Variants in PRIM1 observed in about 807,000 individuals in gnomAD.
PRIM1 encodes DNA primase subunit 1, also known as DNA primase small subunit.
PRIM1 carries 38 observed loss-of-function variants against 60.2 expected under a neutral mutation model. The ratio of observed to expected loss-of-function variants is 0.63; its 90% CI spans 0.49 to 0.83. The LOEUF (loss-of-function observed/expected upper bound fraction) is 0.83. Ranked by LOEUF, PRIM1 falls within the 40% of genes least tolerant of loss-of-function variation. The pLI is 0.00. For synonymous variants in PRIM1, 158 were observed against 160.2 expected (o/e 0.99, Z 0.10); for missense variants, 388 against 506.2 (o/e 0.77, Z 2.24).
intron 12 of PRIM1, among the ~76,000 whole-genome samples, chr12:56,732,516 C>A (rs1269225168): frequency 6.6e-6 from 1 of 152,154 alleles, no homozygotes; most frequent in Non-Finnish European, 1.5e-5. Flanking sequence ...TAGATAAAAA[C>A]TACAAATCAT....
chr12:56,736,925 C>G (rs888183074), intron 11 of PRIM1, among the ~76,000 whole-genome samples: 8 of 151,984 alleles, frequency 5.3e-5, no homozygotes, highest in Admixed American at 3.9e-4. Context: ...GTAGCTGAGA[C>G]CACAGGTGCC....
At position 56,747,026 on chromosome 12, in the gene PRIM1, GA is replaced by G; in HGVS notation, c.267del (p.Gln90AsnfsTer5). 6.2e-7 allele frequency: 1 copy of G among 1,609,412 alleles called. No homozygotes were observed. Among genetic ancestry groups the G allele is most frequent in the Non-Finnish European group, 8.5e-7 (1 of 1,176,538 alleles). Reference protein sequence around the residue: ...DIGAVYSHRPNQHNTVKLGAF... With the variant: ...DIGAVYSHRPXQHNTVKLGAF... Reference sequence around the variant, plus strand: ...GCTCCCAGCTTCACTGTATTGTGTTGATTGGGCTACAGATACAAAATATTGA... The same window carrying G: ...GCTCCCAGCTTCACTGTATTGTGTTGTTGGGCTACAGATACAAAATATTGA... On this transcript the variant is annotated frameshift_variant, in exon 3 of 13. Transcript: ENST00000338193. LOFTEE classifies it high-confidence loss of function.
chr12:56,738,269 A>C (rs1437202553), intron 11 of PRIM1, among the ~76,000 whole-genome samples, 165 bp downstream of exon 11: 1 of 152,246 alleles, frequency 6.6e-6, no homozygotes. Context: ...GGATTCAATA[A>C]CACCACTTGG....
intron 1 of PRIM1, 163 bp from the exon 2 acceptor site, chr12:56,751,358 C>G (rs1953956108): frequency 6.5e-6 from 3 of 458,216 alleles, no homozygotes; most frequent in Non-Finnish European, 1.1e-5. Context: ...AGGCTCACTG[C>G]AACCTCCGCC....
intron 6 of PRIM1, 38 bp from the exon 7 acceptor site, chr12:56,743,134 T>A (rs1381614097): frequency 3.9e-5 from 58 of 1,477,288 alleles, no homozygotes; most frequent in Non-Finnish European, 4.9e-5. Flanking sequence ...CCCAACACTA[T>A]CAGTAACACA....
At chr12:56,731,821 T>G in intron 12 of PRIM1, 87 bp from the exon 13 acceptor site, 1 of 1,104,874 alleles carries the variant, frequency 9.1e-7, no homozygotes. Flanking sequence ...TGCCTAATGC[T>G]TCTATTTAAC....
chr12:56,741,395 C>CATTTTTCT, intron 9 of PRIM1, 40 bp downstream of exon 9: 1 of 1,580,160 alleles, frequency 6.3e-7, no homozygotes, highest in South Asian at 1.2e-5. Flanking sequence ...AATAGCAACT[C>CATTTTTCT]ATTTTTCTTT....
chr12:56,736,111 A>ATGTTCTCC (rs1948641268), intron 11 of PRIM1, among the ~76,000 whole-genome samples: 1 of 151,194 alleles, frequency 6.6e-6, no homozygotes, highest in Non-Finnish European at 1.5e-5. Context: ...CAGCCTGACC[A>ATGTTCTCC]ACATGGAGAA....
intron 2 of PRIM1, among the ~76,000 whole-genome samples, chr12:56,750,231 G>T (rs2137870049): frequency 6.6e-6 from 1 of 152,314 alleles, no homozygotes; most frequent in South Asian, 2.1e-4. Context: ...CTTCTGTATT[G>T]ACAATGGACT....
In PRIM1 at chr12:56,746,844, T is replaced by G; in HGVS notation, c.379A>C (p.Ile127Leu). Reference protein sequence around the residue: ...DVRRCCSSADICPKCWTLMTM... With the variant: ...DVRRCCSSADLCPKCWTLMTM... ...ATGAGGGTCCAGCACTTAGGACATA[T>G]GTCTGCAGAACTAAAGCAGAGTCAT... The change falls in exon 4 of 13, where the codon ATA becomes CTA. Residue 127 changes from isoleucine to leucine, a missense_variant. Coordinates refer to ENST00000338193, the MANE Select transcript of PRIM1 (RefSeq NM_000946.3). 6.2e-7 allele frequency: 1 copy of G among 1,613,932 alleles called. No individual in the cohort carries two copies. The highest frequency in any genetic ancestry group is 8.5e-7 in the Non-Finnish European group (1 of 1,179,848).
intron 9 of PRIM1, among the ~76,000 whole-genome samples, chr12:56,740,960 T>C (rs1443309782): frequency 6.6e-6 from 1 of 152,074 alleles, no homozygotes; most frequent in East Asian, 1.9e-4. Flanking sequence ...ACTACAGGCA[T>C]GCACCACCAC....
At chr12:56,752,104 G>A in intron 1 of PRIM1, 92 bp downstream of exon 1, 1 of 886,226 alleles carries the variant, frequency 1.1e-6, no homozygotes, top group Non-Finnish European at 1.7e-6. Context: ...AAAGCCTGGT[G>A]CACAGAAGGC....
In PRIM1 at chr12:56,743,100, T is replaced by G; in HGVS notation, c.639-4A>C. 6.6e-7 allele frequency: 1 copy of G among 1,518,052 alleles called. No individual in the cohort carries two copies. The highest frequency in any genetic ancestry group is 2.5e-5 in the East Asian group (1 of 39,362). The allele number at this position is 1,518,052 out of a possible 1,614,324, so 94.0% of individuals were successfully genotyped here. On this transcript the variant is annotated splice_region_variant and splice_polypyrimidine_tract_variant and intron_variant, in intron 6 of 12. Transcript: ENST00000338193. ...TTTTATTATGTTTATAGATTTTCTG[T>G]AAGAACAACAATAACAACAGAGTCC...
intron 3 of PRIM1, 23 bp from the exon 4 acceptor site, chr12:56,746,877 C>T (rs1310028543): frequency 1.2e-6 from 2 of 1,613,356 alleles, no homozygotes; most frequent in East Asian, 4.5e-5. Context: ...CATCATTACT[C>T]ATTGTCAGTG....
chr12:56,741,960 A>C (rs1953875539), intron 7 of PRIM1, 123 bp from the exon 8 acceptor site: 2 of 995,088 alleles, frequency 2.0e-6, no homozygotes, highest in Non-Finnish European at 3.1e-6. Flanking sequence ...ATTTCTTGAA[A>C]TATAAATGTT....
chr12:56,752,274 G>C lies in PRIM1; in HGVS notation c.25C>G (p.Leu9Val), dbSNP rs1953977573. Residue 9 changes from leucine to valine, a missense_variant, in exon 1 of 13, where the codon CTG becomes GTG. By Grantham distance (32) the Leu-to-Val change is conservative (BLOSUM62 1). This residue lies in a region of PRIM1 where 156 missense variants were observed against 175.8 expected (regional missense o/e 0.89). Coordinates refer to ENST00000338193, the MANE Select transcript of PRIM1 (RefSeq NM_000946.3). METFDPTE[L>V]PELLKLYYRR... Reference sequence around the variant, plus strand: ...TAATAAAGTTTAAGCAGCTCGGGCAGCTCGGTGGGGTCAAACGTCTCCATT... The same window carrying C: ...TAATAAAGTTTAAGCAGCTCGGGCACCTCGGTGGGGTCAAACGTCTCCATT... 6.3e-7 allele frequency: 1 copy of C among 1,590,308 alleles called. No homozygotes were observed. The highest frequency in any genetic ancestry group is 8.6e-7 in the Non-Finnish European group (1 of 1,168,174).
At position 56,743,059 on chromosome 12, in the gene PRIM1, A is replaced by G; in HGVS notation, c.676T>C (p.Tyr226His). Residue 226 changes from tyrosine to histidine, a missense_variant, in exon 7 of 13, where the codon TAT becomes CAT. Tyr to His is a moderately conservative substitution (Grantham distance 83). Coordinates refer to ENST00000338193, the MANE Select transcript of PRIM1 (RefSeq NM_000946.3). The stretch of plus-strand genomic sequence containing the variant: ...AGAATATCTTGATTAACCAAGGCAT[A>G]TTCTTCAAAGTATTTTTTTATTATG... ...INIIKKYFEE[Y>H]ALVNQDILEN... 6.5e-7 allele frequency: 1 copy of G among 1,533,354 alleles called. No homozygotes were observed. The highest frequency in any genetic ancestry group is 8.7e-7 in the Non-Finnish European group (1 of 1,143,062). The allele number at this position is 1,533,354 out of a possible 1,614,324, so 95.0% of individuals were successfully genotyped here.
chr12:56,740,766 T>A (rs1953866807), intron 9 of PRIM1, among the ~76,000 whole-genome samples: 1 of 151,912 alleles, frequency 6.6e-6, no homozygotes, highest in Non-Finnish European at 1.5e-5. Context: ...CGAAAAAAAT[T>A]TTTTTTTGTT....
chr12:56,750,908 CCAAA>C (rs372641656), intron 2 of PRIM1, 126 bp downstream of exon 2: 1 of 556,640 alleles, frequency 1.8e-6, no homozygotes, highest in Non-Finnish European at 2.8e-6. Context: ...TAATCACTTG[CCAAA>C]CAATTAAAAA....
Sources: allele counts gnomAD v4.1 joint callset (sites outside exome capture counted in the v4.1 genomes callset), GRCh38; gene constraint gnomAD v4.1.1; regional missense constraint gnomAD v4.1.1; transcripts MANE v1.5; gene names NCBI Gene and HGNC (gene_info 2026-07-23, HGNC 2026-07-21).